FXN: variants seen among roughly 807,000 people sequenced by gnomAD.
The protein encoded by FXN is frataxin, also known as frataxin, mitochondrial.
Under a neutral mutation model 22.4 loss-of-function variants are expected in FXN, and 14 were observed. The observed-to-expected ratio is 0.62, with a 90% confidence interval of 0.41 to 0.98. The LOEUF is 0.98. FXN is among the 50% of genes least tolerant of loss of function. The probability of loss-of-function intolerance (pLI) is 0.00; values close to 1 mark genes in which losing one functional copy is unlikely to be tolerated. For missense variants in FXN, 267 were observed against 268.4 expected (o/e 0.99, Z 0.04); for synonymous variants, 120 against 114.1 (o/e 1.05, Z -0.33).
intron 3 of FXN, among the ~76,000 whole-genome samples, chr9:69,053,971 T>C (rs1451674368): frequency 6.6e-6 from 1 of 152,150 alleles, no homozygotes; most frequent in African/African-American, 2.4e-5. Flanking sequence ...CTGGGATTTT[T>C]AAGCTCCACA....
intron 3 of FXN, among the ~76,000 whole-genome samples, chr9:69,062,423 A>C (rs762569043): frequency 3.3e-5 from 5 of 152,184 alleles, no homozygotes; most frequent in Non-Finnish European, 7.3e-5. Context: ...GTTTTAAGAA[A>C]CTTTTAAATA....
At chr9:69,063,678 G>GT (rs1291791483) in intron 3 of FXN, among the ~76,000 whole-genome samples, 1 of 151,632 alleles carries the variant, frequency 6.6e-6, no homozygotes, top group Middle Eastern at 3.2e-3. Context: ...TGTTTTTTGG[G>GT]TTTTTTGTTT....
At chr9:69,059,423 GAGAT>G (rs1423568861) in intron 3 of FXN, among the ~76,000 whole-genome samples, 1 of 39,624 alleles carries the variant, frequency 2.5e-5, no homozygotes, top group Non-Finnish European at 6.3e-5. Context: ...TTTTTTGAGA[GAGAT>G]CTCACTCTGT....
chr9:69,049,721 G>A (rs1050565335), intron 2 of FXN, among the ~76,000 whole-genome samples: 2 of 152,060 alleles, frequency 1.3e-5, no homozygotes, highest in African/African-American at 2.4e-5. Flanking sequence ...TCACAAGATT[G>A]TGCAGCTGTC....
chr9:69,073,534 C>A lies in FXN; in HGVS notation c.*772C>A. On this transcript the variant is annotated 3_prime_UTR_variant, in exon 5 of 5. Coordinates refer to ENST00000484259, the MANE Select transcript of FXN (RefSeq NM_000144.5). Reference sequence around the variant, plus strand: ...GAGCTGAGTGATGTAGCGTAACAAACAAAATCATGGAGCTGAGGAGGTGCC... The same window carrying A: ...GAGCTGAGTGATGTAGCGTAACAAAAAAAATCATGGAGCTGAGGAGGTGCC... 1.0e-6 allele frequency: 1 copy of A among 985,288 alleles called. No individual in the cohort carries two copies. Among genetic ancestry groups the A allele is most frequent in the Non-Finnish European group, 1.2e-6 (1 of 829,922 alleles). The allele number at this position is 985,288 out of a possible 1,614,324, so 61.0% of individuals were successfully genotyped here.
At chr9:69,038,442 A>T (rs1831601033) in intron 1 of FXN, among the ~76,000 whole-genome samples, 1 of 152,230 alleles carries the variant, frequency 6.6e-6, no homozygotes, top group Admixed American at 6.5e-5. Flanking sequence ...TTTCTAGTTA[A>T]AAAGAAAAAA....
rs894364033 is a variant in FXN, at chr9:69,077,633, A to G, written c.*4871A>G. On this transcript the variant is annotated 3_prime_UTR_variant, in exon 5 of 5. Transcript: ENST00000484259. Reference sequence around the variant, plus strand: ...TTGTTAACGCCACATCTTGACCTCAAATTGTTTAGCTCCTGGCCAGACACG... The same window carrying G: ...TTGTTAACGCCACATCTTGACCTCAGATTGTTTAGCTCCTGGCCAGACACG... The G allele has an allele frequency of 2.0e-6, 2 of 985,348 alleles. No homozygotes were observed. Among genetic ancestry groups the G allele is most frequent in the Non-Finnish European group, 2.4e-6 (2 of 829,960 alleles). The allele number at this position is 985,348 out of a possible 1,614,324, so 61.0% of individuals were successfully genotyped here.
chr9:69,071,595 C>T (rs1300764953), intron 4 of FXN, among the ~76,000 whole-genome samples: 1 of 152,244 alleles, frequency 6.6e-6, no homozygotes, highest in African/African-American at 2.4e-5. Context: ...GATCTGTCCA[C>T]ACGAATACAG....
intron 3 of FXN, among the ~76,000 whole-genome samples, chr9:69,055,497 T>C (rs1831941275): frequency 7.9e-6 from 1 of 127,256 alleles, no homozygotes; most frequent in South Asian, 2.3e-4. Flanking sequence ...CTTCTTCTTC[T>C]TTTTTTTTTT....
At chr9:69,039,729 C>G in intron 1 of FXN, among the ~76,000 whole-genome samples, 1 of 152,152 alleles carries the variant, frequency 6.6e-6, no homozygotes, top group East Asian at 1.9e-4. Context: ...CCGGAGACAG[C>G]TTCGAGAAGG....
intron 2 of FXN, among the ~76,000 whole-genome samples, chr9:69,051,074 C>T (rs1345493574): frequency 6.6e-6 from 1 of 152,204 alleles, no homozygotes; most frequent in Non-Finnish European, 1.5e-5. Flanking sequence ...GCCACCGCGC[C>T]AGGCCGGCCA....
Position 69,076,217 on chromosome 9 carries a change from G to GA in FXN, c.*3455_*3456insA. On this transcript the variant is annotated 3_prime_UTR_variant, in exon 5 of 5. Transcript: ENST00000484259. ...TTGTAGACACTGACAGTGGCCTCATGTTTTTTTTTTTTTTAATCTATAAAA... is the reference window on the plus strand; with the variant it reads ...TTGTAGACACTGACAGTGGCCTCATGATTTTTTTTTTTTTTAATCTATAAAA... 1.2e-6 allele frequency: 1 copy of GA among 837,038 alleles called. No homozygotes were observed. Among genetic ancestry groups the GA allele is most frequent in the Non-Finnish European group, 1.4e-6 (1 of 718,430 alleles). The allele number at this position is 837,038 out of a possible 1,614,324, so 51.9% of individuals were successfully genotyped here. A position where few individuals can be genotyped will look rare whatever the true frequency, so the allele number is the denominator to read the frequency against.
At chr9:69,051,358 A>G (rs1427312807) in intron 2 of FXN, among the ~76,000 whole-genome samples, 1 of 151,552 alleles carries the variant, frequency 6.6e-6, no homozygotes, top group African/African-American at 2.4e-5. Context: ...CTGGTATTAC[A>G]GGCATGAGCC....
chr9:69,047,781 G>C (rs143771682), intron 2 of FXN, among the ~76,000 whole-genome samples: 3 of 151,802 alleles, frequency 2.0e-5, no homozygotes, highest in African/African-American at 7.3e-5. Context: ...GCAGTGGTGC[G>C]ATCTCGGCTC....
Position 69,073,373 on chromosome 9 carries a change from G to A in FXN, c.*611G>A, listed in dbSNP as rs1832309447. 1.0e-6 allele frequency: 1 copy of A among 986,894 alleles called. No homozygotes were observed. The highest frequency in any genetic ancestry group is 1.7e-5 in the African/African-American group (1 of 57,182). 61.1% of individuals were successfully genotyped at this position (986,894 alleles called of 1,614,324 possible). A position where few individuals can be genotyped will look rare whatever the true frequency, so the allele number is the denominator to read the frequency against. Reference sequence around the variant, plus strand: ...GGGTTGTCCAGGGAGACCTAGTGCTGTTTCTCCCACATATTCACATACGTG... The same window carrying A: ...GGGTTGTCCAGGGAGACCTAGTGCTATTTCTCCCACATATTCACATACGTG... On this transcript the variant is annotated 3_prime_UTR_variant, in exon 5 of 5. Coordinates refer to ENST00000484259, the MANE Select transcript of FXN (RefSeq NM_000144.5).
intron 3 of FXN, among the ~76,000 whole-genome samples, chr9:69,056,231 C>CAGG (rs1341184092): frequency 6.6e-6 from 1 of 152,146 alleles, no homozygotes. Context: ...GTCCCACTAC[C>CAGG]TGTAGGCAGG....
At chr9:69,047,400 A>G (rs1234221053) in intron 2 of FXN, among the ~76,000 whole-genome samples, 1 of 152,060 alleles carries the variant, frequency 6.6e-6, no homozygotes, top group Non-Finnish European at 1.5e-5. Context: ...GGGCAGGATA[A>G]CTGCAACTGT....
chr9:69,055,622 T>A (rs1274378648), intron 3 of FXN, among the ~76,000 whole-genome samples: 1 of 151,106 alleles, frequency 6.6e-6, no homozygotes, highest in African/African-American at 2.4e-5. Context: ...ACCTCCTGAG[T>A]AGCTGGGATT....
At chr9:69,058,461 G>A (rs968269217) in intron 3 of FXN, among the ~76,000 whole-genome samples, 1 of 152,012 alleles carries the variant, frequency 6.6e-6, no homozygotes, top group Non-Finnish European at 1.5e-5. Context: ...TTGTTGACAT[G>A]TTCTTTATTC....
Sources: allele counts gnomAD v4.1 joint callset (sites outside exome capture counted in the v4.1 genomes callset), GRCh38; gene constraint gnomAD v4.1.1; transcripts MANE v1.5; gene names NCBI Gene and HGNC (gene_info 2026-07-23, HGNC 2026-07-21).